CCDC197: variants seen among roughly 807,000 people sequenced by gnomAD.
CCDC197 encodes the protein coiled-coil domain containing 197, also known as uncharacterized protein CCDC197.
CCDC197 carries 24 observed loss-of-function variants against 13.4 expected under a neutral mutation model. The ratio of observed to expected loss-of-function variants is 1.80; its 90% CI spans 1.30 to 2.53. The LOEUF is 2.53. Ranked by LOEUF, CCDC197 falls within the 30% of genes most tolerant of loss-of-function variation. The pLI is 0.00. For missense variants in CCDC197, 255 were observed against 148.8 expected (o/e 1.71, Z -3.71); for synonymous variants, 99 against 55.5 (o/e 1.78, Z -3.48).
intron 3 of CCDC197, chr14:94,000,929 A>G: frequency 2.7e-6 from 1 of 366,722 alleles, no homozygotes; most frequent in Non-Finnish European, 4.5e-6. Flanking sequence ...GAACTTTCCA[A>G]GGTTGAGGAT....
At chr14:94,009,256 G>A (rs1890770570), downstream of CCDC197, among the ~76,000 whole-genome samples, 1 of 152,176 alleles carries the variant, frequency 6.6e-6, no homozygotes, top group African/African-American at 2.4e-5. Flanking sequence ...AGTCTGCAGA[G>A]CTAATGGGGG....
At chr14:94,009,043 G>T (rs1445587091), downstream of CCDC197, among the ~76,000 whole-genome samples, 2 of 152,218 alleles carry the variant, frequency 1.3e-5, no homozygotes, top group Non-Finnish European at 2.9e-5. Context: ...AGGTTCCCGA[G>T]TTGGGGGCAG....
upstream of CCDC197, among the ~76,000 whole-genome samples, chr14:93,993,974 A>T (rs1289500606): frequency 6.6e-6 from 1 of 151,786 alleles, no homozygotes; most frequent in Non-Finnish European, 1.5e-5. Context: ...TTCACCCTCC[A>T]TGTAAGTGCT....
intron 4 of CCDC197, among the ~76,000 whole-genome samples, chr14:94,001,880 TC>T (rs1276914434): frequency 1.3e-5 from 2 of 152,104 alleles, no homozygotes; most frequent in African/African-American, 2.4e-5. Flanking sequence ...ACCGGGGACT[TC>T]GGGATCCCAG....
chr14:94,001,141 G>A lies in CCDC197; in HGVS notation c.188-4G>A, dbSNP rs748470631. ...CCCATCCCGCCATGGCGCTGTCTCC[G>A]TAGGCTGCACGGGATGGGAGGAGCC... On this transcript the variant is annotated splice_region_variant and splice_polypyrimidine_tract_variant and intron_variant, in intron 3 of 6. Transcript: ENST00000636493. The A allele has an allele frequency of 5.2e-6, 4 of 775,442 alleles. No homozygotes were observed. Among genetic ancestry groups the A allele is most frequent in the African/African-American group, 5.1e-5 (3 of 59,002 alleles). 48.0% of individuals were successfully genotyped at this position (775,442 alleles called of 1,614,324 possible).
intron 5 of CCDC197, among the ~76,000 whole-genome samples, chr14:94,004,621 C>T (rs112196367): frequency 3.3e-5 from 5 of 152,342 alleles, no homozygotes; most frequent in African/African-American, 9.6e-5. Context: ...CCAGGAAGCC[C>T]TTCTGAAAGG....
intron 1 of CCDC197, among the ~76,000 whole-genome samples, chr14:93,991,779 G>T (rs1280854800): frequency 6.6e-6 from 1 of 152,164 alleles, no homozygotes; most frequent in Non-Finnish European, 1.5e-5. Context: ...AGACCAGAGG[G>T]AAAGAGTGCT....
At chr14:94,010,608 G>A (rs915929565), downstream of CCDC197, among the ~76,000 whole-genome samples, 1 of 152,218 alleles carries the variant, frequency 6.6e-6, no homozygotes, top group African/African-American at 2.4e-5. Flanking sequence ...GGGTTTGAGT[G>A]GGATCTCAGA....
intron 4 of CCDC197, among the ~76,000 whole-genome samples, chr14:94,002,963 C>T (rs1039640805): frequency 1.3e-5 from 2 of 151,982 alleles, no homozygotes; most frequent in Admixed American, 1.3e-4. Flanking sequence ...GGAGCAAAGG[C>T]ACATCTTACC....
intron 1 of CCDC197, among the ~76,000 whole-genome samples, chr14:93,992,273 T>C (rs903302961): frequency 3.9e-5 from 6 of 152,110 alleles, no homozygotes; most frequent in African/African-American, 1.4e-4. Flanking sequence ...CAGTGCTTGC[T>C]CCAGGTGGGA....
intron 3 of CCDC197, 34 bp downstream of exon 3, chr14:93,999,699 C>A: frequency 2.6e-6 from 2 of 780,138 alleles, no homozygotes; most frequent in Non-Finnish European, 4.8e-6. Flanking sequence ...AGCCCTTTCT[C>A]TCCACAGCCA....
intron 5 of CCDC197, 22 bp from the exon 6 acceptor site, chr14:94,004,833 C>G (rs1890634146): frequency 1.4e-6 from 1 of 701,936 alleles, no homozygotes; most frequent in African/African-American, 1.7e-5. Context: ...GAGCCACCAC[C>G]TCCTCCTTCT....
At chr14:93,987,789 C>A (rs147260517) in intron 1 of CCDC197, among the ~76,000 whole-genome samples, 3,811 of 151,850 alleles carry the variant, frequency 0.025, 56 homozygotes, top group Non-Finnish European at 0.038. Context: ...AGACGAGTGC[C>A]CAGAAAGTGG....
chr14:94,006,342 A>G (rs994924956), intron 6 of CCDC197, among the ~76,000 whole-genome samples: 7 of 148,832 alleles, frequency 4.7e-5, no homozygotes, highest in Middle Eastern at 3.4e-3. Flanking sequence ...CCATTAAAAA[A>G]TTTGATTATT....
chr14:94,008,198 T>C (rs1031888727), intron 6 of CCDC197, among the ~76,000 whole-genome samples: 1 of 152,224 alleles, frequency 6.6e-6, no homozygotes, highest in African/African-American at 2.4e-5. Flanking sequence ...CCAACATGAA[T>C]TGAGCCACCT....
Position 94,003,260 on chromosome 14 carries a change from G to A in CCDC197, c.404G>A (p.Cys135Tyr), listed in dbSNP as rs190613093. Residue 135 changes from cysteine (C) to tyrosine (Y), a missense_variant, in exon 5 of 7, where the codon TGC (cysteine) becomes TAC (tyrosine). Cys to Tyr is a radical substitution (Grantham distance 194). Transcript: ENST00000636493. This position sits in a 1 kb window ranked among gnomAD's most constrained non-coding sequence, Gnocchi z 5.0. ...CGGCTGTGTCAGCTGCAGAAGAAGT[G>A]CTACCGCAAGCAGGAGCAGTGGTGG... is the stretch of plus-strand genomic sequence containing the variant. ...KIRLCQLQKK[C>Y]YRKQEQWWQL... The A allele has an allele frequency of 3.8e-6, 3 of 780,994 alleles. No individual in the cohort carries two copies. The highest frequency in any genetic ancestry group is 1.7e-5 in the Admixed American group (1 of 59,040). 48.4% of individuals were successfully genotyped at this position (780,994 alleles called of 1,614,324 possible). A position where few individuals can be genotyped will look rare whatever the true frequency, so the allele number is the denominator to read the frequency against.
chr14:94,002,590 C>G (rs1338906299), intron 4 of CCDC197, among the ~76,000 whole-genome samples: 1 of 152,170 alleles, frequency 6.6e-6, no homozygotes, highest in Non-Finnish European at 1.5e-5. Flanking sequence ...TGGTGGCTCA[C>G]TCCTGTAATC....
At position 93,998,092 on chromosome 14, in the gene CCDC197, G is replaced by C. The variant is rs902734080; in HGVS notation, c.-40G>C. ...TCTGTCTTCATCCTGCCTGACTCACGGGTCTCCTGTCCTCCTGCATAGCTT... is the reference window on the plus strand; with the variant it reads ...TCTGTCTTCATCCTGCCTGACTCACCGGTCTCCTGTCCTCCTGCATAGCTT... On this transcript the variant is annotated 5_prime_UTR_variant, in exon 2 of 7. Transcript: ENST00000636493. 2.6e-6 allele frequency: 2 copies of C among 779,490 alleles called. No individual in the cohort carries two copies. The highest frequency in any genetic ancestry group is 2.4e-5 in the East Asian group (1 of 41,228). The allele number at this position is 779,490 out of a possible 1,614,324, so 48.3% of individuals were successfully genotyped here.
chr14:93,987,940 T>G (rs1266412567), intron 1 of CCDC197, among the ~76,000 whole-genome samples: 160 of 15,040 alleles, frequency 0.011, no homozygotes, highest in Non-Finnish European at 0.011. Flanking sequence ...GGGAGGGAGG[T>G]GGGAAGGAGG....
Sources: gnomAD v4.1 joint callset for allele counts (sites outside exome capture counted in the v4.1 genomes callset) on GRCh38, gnomAD v4.1.1 for gene constraint, Gnocchi (gnomAD v3.1) non-coding constraint, MANE v1.5 for transcripts, NCBI Gene and HGNC (gene_info 2026-07-23, HGNC 2026-07-21) for gene names.